The following NSA2 variants were observed in gnomAD, a reference collection of about 807,000 sequenced individuals.
NSA2 encodes the protein ribosome biogenesis protein NSA2 homolog.
Under a neutral mutation model 34.8 loss-of-function variants are expected in NSA2, and 18 were observed. That is an observed-to-expected ratio of 0.52 (90% CI 0.36 to 0.77). The LOEUF (loss-of-function observed/expected upper bound fraction) is 0.77. Ranked by LOEUF, NSA2 falls within the 30% of genes least tolerant of loss-of-function variation. The pLI, the probability that NSA2 is intolerant of heterozygous loss-of-function variation, is 0.00. For missense variants in NSA2, 188 were observed against 314.7 expected, an observed-to-expected ratio of 0.60 and a Z score of 3.05; for synonymous variants, 79 against 100.2, an observed-to-expected ratio of 0.79 and a Z score of 1.26.
intron 5 of NSA2, 45 bp from the exon 6 acceptor site, chr5:74,776,559 G>C: frequency 1.0e-6 from 1 of 966,090 alleles, no homozygotes; most frequent in Non-Finnish European, 1.7e-6. Flanking sequence ...ATTTTTATTA[G>C]CTAACAACCC....
intron 4 of NSA2, among the ~76,000 whole-genome samples, chr5:74,772,657 T>C (rs184212185): frequency 1.3e-5 from 2 of 152,306 alleles, no homozygotes; most frequent in Non-Finnish European, 2.9e-5. Flanking sequence ...CTTGTTTTGG[T>C]TTCATATTCA....
chr5:74,767,500 G>A, intron 1 of NSA2, 137 bp downstream of exon 1: 1 of 1,028,946 alleles, frequency 9.7e-7, no homozygotes, highest in Non-Finnish European at 1.5e-6. Context: ...TGGTAGACCC[G>A]TGGGGTGGGC....
intron 4 of NSA2, among the ~76,000 whole-genome samples, chr5:74,771,906 A>G (rs1161320458): frequency 6.6e-6 from 1 of 151,914 alleles, no homozygotes; most frequent in Non-Finnish European, 1.5e-5. Flanking sequence ...AAAAAGGAAG[A>G]TAATTTAATA....
rs567722003 is a variant in NSA2 at position 74,778,169 on chromosome 5, A to G, written c.*1498A>G. 6.6e-6 allele frequency: 1 copy of G among 152,214 alleles called. No individual in the cohort carries two copies. The highest frequency in any genetic ancestry group is 1.9e-4 in the East Asian group (1 of 5,194). 9.4% of individuals were successfully genotyped at this position (152,214 alleles called of 1,614,324 possible). A position where few individuals can be genotyped will look rare whatever the true frequency, so the allele number is the denominator to read the frequency against. ...TTGTAAGGTACAAAGAAAGCTTGAT[A>G]TTAAGTATGAAAACATAAGCATAAC... On this transcript the variant is annotated 3_prime_UTR_variant, in exon 6 of 6. Transcript: ENST00000610426.
rs1745276833 is a variant in NSA2, at chr5:74,779,092, G to A, written c.*2421G>A. Reference sequence around the variant, plus strand: ...GTCAGAGAGAATCTGTAACAGAAGTGTTCTTGTGTGCTGAACAAAAAACTT... The same window carrying A: ...GTCAGAGAGAATCTGTAACAGAAGTATTCTTGTGTGCTGAACAAAAAACTT... On this transcript the variant is annotated 3_prime_UTR_variant, in exon 6 of 6. Transcript: ENST00000610426. 1 of 152,096 alleles carries A rather than the reference G, an allele frequency of 6.6e-6. No individual in the cohort carries two copies. 9.4% of individuals were successfully genotyped at this position (152,096 alleles called of 1,614,324 possible).
rs1057128200 is a variant in NSA2 at position 74,777,305 on chromosome 5, C to CTT, written c.*636_*637dup. On this transcript the variant is annotated 3_prime_UTR_variant, in exon 6 of 6. Coordinates refer to ENST00000610426, the MANE Select transcript of NSA2 (RefSeq NM_014886.6). ...GAAAATGAAAAAAATATACTAAAGT[C>CTT]TTTGTACTCTCTTAGCATTTTCTGT... 33 of 152,120 alleles carry CTT rather than the reference C, an allele frequency of 2.2e-4. No homozygotes were observed. The highest frequency in any genetic ancestry group is 8.3e-4 in the South Asian group (4 of 4,822). The allele number at this position is 152,120 out of a possible 1,614,324, so 9.4% of individuals were successfully genotyped here. A position where few individuals can be genotyped will look rare whatever the true frequency, so the allele number is the denominator to read the frequency against.
In NSA2 at chr5:74,768,972, A is replaced by T; in HGVS notation, c.45A>T (p.Gly15=). 4 of 1,605,890 alleles carry T rather than the reference A, an allele frequency of 2.5e-6. No homozygotes were observed. The highest frequency in any genetic ancestry group is 3.4e-6 in the Non-Finnish European group (4 of 1,177,692). Residue 15 remains glycine (G), a synonymous_variant, in exon 2 of 6, where the codon GGA becomes GGT. Transcript: ENST00000610426. ...EYIELHRKRY[G]YRLDYHEKKR... ...TTGAATTACACCGTAAACGCTATGGATACCGTTTGGATTACCATGAGAAAA... is the reference window on the plus strand; with the variant it reads ...TTGAATTACACCGTAAACGCTATGGTTACCGTTTGGATTACCATGAGAAAA...
At chr5:74,771,008 T>G (rs1744904950) in intron 4 of NSA2, among the ~76,000 whole-genome samples, 198 bp downstream of exon 4, 1 of 152,232 alleles carries the variant, frequency 6.6e-6, no homozygotes, top group Non-Finnish European at 1.5e-5. Flanking sequence ...CCCAGTGCGG[T>G]GGCTCACACC....
intron 5 of NSA2, among the ~76,000 whole-genome samples, chr5:74,774,952 C>T (rs1260536484): frequency 5.3e-5 from 8 of 152,126 alleles, no homozygotes; most frequent in Admixed American, 5.2e-4. Context: ...AGCGGTGGCT[C>T]AGCCTGTAAT....
Position 74,770,788 on chromosome 5 carries a change from A to G in NSA2, c.500A>G (p.Tyr167Cys). 1.2e-6 allele frequency: 2 copies of G among 1,609,326 alleles called. No individual in the cohort carries two copies. The highest frequency in any genetic ancestry group is 1.7e-6 in the Non-Finnish European group (2 of 1,178,560). The change falls in exon 4 of 6, where the codon TAT becomes TGT. Residue 167 changes from tyrosine (Y) to cysteine (C), a missense_variant. Transcript: ENST00000610426. ...GGCTTTACAAGAAAACCACCTAAAT[A>G]TGAAAGATTCATCAGGCCAATGGTA... ...GDGFTRKPPK[Y>C]ERFIRPMGLR... is the part of the protein sequence containing the mutation.
At chr5:74,774,472 C>T (rs992167498) in intron 5 of NSA2, among the ~76,000 whole-genome samples, 3 of 151,898 alleles carry the variant, frequency 2.0e-5, no homozygotes, top group Admixed American at 6.6e-5. Flanking sequence ...GGTGTGGTGG[C>T]GAGCACCTCT....
rs957841344 is a variant in NSA2 at position 74,778,101 on chromosome 5, A to G, written c.*1430A>G. The G allele has an allele frequency of 5.2e-4, 79 of 152,080 alleles. No individual in the cohort carries two copies. The highest frequency in any genetic ancestry group is 1.9e-3 in the African/African-American group (77 of 41,456). The allele number at this position is 152,080 out of a possible 1,614,324, so 9.4% of individuals were successfully genotyped here. On this transcript the variant is annotated 3_prime_UTR_variant, in exon 6 of 6. Transcript: ENST00000610426. ...CTCCAGGTAATTTCTGGATACTACA[A>G]AAATGAAGTTTGCTTGTTTTTTTTA...
At chr5:74,772,181 G>T (rs908371007) in intron 4 of NSA2, among the ~76,000 whole-genome samples, 3 of 148,950 alleles carry the variant, frequency 2.0e-5, no homozygotes, top group African/African-American at 5.0e-5. Context: ...CGGGAGTGCA[G>T]TGGCACGATC....
At position 74,767,330 on chromosome 5, in the gene NSA2, G is replaced by T. The variant is rs1366231780; in HGVS notation, c.-31G>T. The stretch of plus-strand genomic sequence containing the variant: ...ATTGAGAGCGTTTTCGCACTCCAGC[G>T]GCTGCTCCTGGCGGCTCTGCGGCCG... On this transcript the variant is annotated 5_prime_UTR_variant, in exon 1 of 6. Transcript: ENST00000610426. 23 of 1,613,282 alleles carry T rather than the reference G, an allele frequency of 1.4e-5. No homozygotes were observed. Among genetic ancestry groups the T allele is most frequent in the Non-Finnish European group, 1.8e-5 (21 of 1,179,542 alleles).
intron 3 of NSA2, among the ~76,000 whole-genome samples, chr5:74,769,926 C>G (rs1744861629): frequency 6.6e-6 from 1 of 152,154 alleles, no homozygotes; most frequent in Non-Finnish European, 1.5e-5. Flanking sequence ...TTTTGTCTTG[C>G]TAGTGATCTA....
chr5:74,769,556 A>C, intron 3 of NSA2, 192 bp downstream of exon 3: 1 of 458,602 alleles, frequency 2.2e-6, no homozygotes, highest in Non-Finnish European at 3.7e-6. Flanking sequence ...TTAAGTTATA[A>C]AAAAAATTTA....
At chr5:74,776,487 G>A in intron 5 of NSA2, 117 bp from the exon 6 acceptor site, 1 of 637,484 alleles carries the variant, frequency 1.6e-6, no homozygotes. Flanking sequence ...TGGGGAATAA[G>A]AGTGAAACCC....
intron 5 of NSA2, 97 bp downstream of exon 5, chr5:74,774,157 T>G: frequency 1.3e-6 from 1 of 774,698 alleles, no homozygotes; most frequent in Non-Finnish European, 2.1e-6. Flanking sequence ...GCAAATTTTT[T>G]TAATGCAGTA....
intron 3 of NSA2, among the ~76,000 whole-genome samples, chr5:74,770,066 C>T (rs1580051902): frequency 6.6e-6 from 1 of 152,312 alleles, no homozygotes; most frequent in East Asian, 1.9e-4. Context: ...CACCGTGACT[C>T]ACGCCTGTAA....
Sources: allele counts gnomAD v4.1 joint callset (sites outside exome capture counted in the v4.1 genomes callset), GRCh38; gene constraint gnomAD v4.1.1; transcripts MANE v1.5; gene names NCBI Gene and HGNC (gene_info 2026-07-23, HGNC 2026-07-21).